TMPO: variants seen among roughly 807,000 people sequenced by gnomAD.
TMPO encodes the protein LEM domain containing 4.
Under a neutral mutation model 45.4 loss-of-function variants are expected in TMPO, and 22 were observed. The observed-to-expected ratio is 0.48, with a 90% CI of 0.35 to 0.69. The LOEUF is 0.69. Among genes scored for constraint, TMPO ranks in the 30% least tolerant of loss-of-function variants. TMPO has a pLI of 0.01. For synonymous variants in TMPO, 241 were observed against 204.1 expected, an observed-to-expected ratio of 1.18 and a Z score of -1.54; for missense variants, 512 against 548.8, an observed-to-expected ratio of 0.93 and a Z score of 0.67.
At chr12:98,545,129 GTT>G (rs79128220) in intron 7 of TMPO, 68 bp downstream of exon 7, 8,929 of 637,594 alleles carry the variant, frequency 0.014, 1 homozygote, top group East Asian at 0.03. Context: ...ATATTTGTTT[GTT>G]TTTTTTTTTT....
intron 1 of TMPO, among the ~76,000 whole-genome samples, chr12:98,517,265 G>T (rs1875928253): frequency 6.6e-6 from 1 of 152,206 alleles, no homozygotes; most frequent in Non-Finnish European, 1.5e-5. Context: ...TCTGATCCTG[G>T]TTAAATCTCA....
chr12:98,527,718 A>C, intron 1 of TMPO, 168 bp from the exon 2 acceptor site: 1 of 681,742 alleles, frequency 1.5e-6, no homozygotes, highest in South Asian at 1.8e-5. Context: ...TTCAACTTAG[A>C]AAGTGTTCTC....
rs999333327 is a variant in TMPO, at chr12:98,548,404, CT to C, written c.*549del. 29 of 154,776 alleles carry C rather than the reference CT, an allele frequency of 1.9e-4. No individual in the cohort carries two copies. Among genetic ancestry groups the C allele is most frequent in the Non-Finnish European group, 1.3e-4 (9 of 69,682 alleles). 9.6% of individuals were successfully genotyped at this position (154,776 alleles called of 1,614,324 possible). On this transcript the variant is annotated 3_prime_UTR_variant, in exon 9 of 9. Coordinates refer to ENST00000556029, the MANE Select transcript of TMPO (RefSeq NM_001032283.3). ...GTACAGCAATAATCTCTTCTGTAACCTTTATTAATAGTAATGTTGTTGTAGC... is the reference window on the plus strand; with the variant it reads ...GTACAGCAATAATCTCTTCTGTAACCTTATTAATAGTAATGTTGTTGTAGC...
chr12:98,534,560 G>T, intron 3 of TMPO: 2 of 1,339,774 alleles, frequency 1.5e-6, no homozygotes, highest in Non-Finnish European at 9.6e-7. Flanking sequence ...ACAATTTAAC[G>T]CTTTCTAGAT....
At position 98,550,246 on chromosome 12, in the gene TMPO, C is replaced by A. The variant is rs1878458613; in HGVS notation, c.*2388C>A. ...TCCTTGATGTAAATGCAAAGCATTT[C>A]TTCCTGATTAAATTGTAGATGTAGA... is the stretch of plus-strand genomic sequence containing the variant. On this transcript the variant is annotated 3_prime_UTR_variant, in exon 9 of 9. Transcript: ENST00000556029. 4 of 152,202 alleles carry A rather than the reference C, an allele frequency of 2.6e-5. No homozygotes were observed. The highest frequency in any genetic ancestry group is 2.6e-4 in the Admixed American group (4 of 15,276). The allele number at this position is 152,202 out of a possible 1,614,324, so 9.4% of individuals were successfully genotyped here. A position where few individuals can be genotyped will look rare whatever the true frequency, so the allele number is the denominator to read the frequency against.
chr12:98,544,156 A>G (rs1878080158), intron 4 of TMPO, 74 bp from the exon 5 acceptor site: 1 of 1,540,406 alleles, frequency 6.5e-7, no homozygotes. Context: ...ATGGCTTCTC[A>G]GTGTGCCAGT....
rs769099945 is a variant in TMPO, at chr12:98,544,985, C to T, written c.914C>T (p.Ala305Val). The T allele has an allele frequency of 8.7e-6, 14 of 1,613,498 alleles. No homozygotes were observed. Among genetic ancestry groups the T allele is most frequent in the East Asian group, 2.2e-5 (1 of 44,844 alleles). Reference sequence around the variant, plus strand: ...AGGGTGACTGGAAATTTCAAGCATGCATCTCCTATTCTGCCAATCACTGAA... The same window carrying T: ...AGGGTGACTGGAAATTTCAAGCATGTATCTCCTATTCTGCCAATCACTGAA... ...VNRVTGNFKH[A>V]SPILPITEFS... The change falls in exon 7 of 9, where the codon GCA (alanine) becomes GTA (valine). Residue 305 changes from alanine to valine, a missense_variant. Coordinates refer to ENST00000556029, the MANE Select transcript of TMPO (RefSeq NM_001032283.3).
chr12:98,547,354 C>T (rs750668129), intron 8 of TMPO, among the ~76,000 whole-genome samples: 3 of 152,116 alleles, frequency 2.0e-5, no homozygotes, highest in African/African-American at 7.2e-5. Flanking sequence ...GGATTGCAGG[C>T]GCGAGCCACC....
At chr12:98,537,636 G>A (rs1381530381) in intron 4 of TMPO, 64 bp downstream of exon 4, 1 of 1,255,672 alleles carries the variant, frequency 8.0e-7, no homozygotes, top group East Asian at 2.5e-5. Flanking sequence ...ACTAATCCAT[G>A]TTTTAGCCTT....
chr12:98,533,644 A>T (rs757395295), intron 3 of TMPO: 7 of 1,614,118 alleles, frequency 4.3e-6, no homozygotes, highest in Non-Finnish European at 5.9e-6. Flanking sequence ...TTTTGCCAAA[A>T]CTGTTGTCTC....
chr12:98,531,857 T>C lies in TMPO; in HGVS notation c.565+19T>C, dbSNP rs749586558. On this transcript the variant is annotated intron_variant, in intron 3 of 8. Transcript: ENST00000556029. ...GAAGAAGGTAAAATTTTAAATGATG[T>C]TAATCAAATGTATGGAATTTTTTCA... 5.0e-6 allele frequency: 8 copies of C among 1,604,678 alleles called. No individual in the cohort carries two copies. The Admixed American group carries it at 1.4e-4, about 27-fold the overall frequency.
Position 98,515,590 on chromosome 12 carries a change from G to A in TMPO, c.-278G>A. ...CGGCGCGCGTTCTTGGGGCGTGGGCGAAGCAGGCTGCTCGCCTCCTGCCTG... is the reference window on the plus strand; with the variant it reads ...CGGCGCGCGTTCTTGGGGCGTGGGCAAAGCAGGCTGCTCGCCTCCTGCCTG... On this transcript the variant is annotated 5_prime_UTR_variant, in exon 1 of 9. Transcript: ENST00000556029. 2.0e-6 allele frequency: 1 copy of A among 508,978 alleles called. No individual in the cohort carries two copies. The highest frequency in any genetic ancestry group is 3.6e-5 in the East Asian group (1 of 28,020). 31.5% of individuals were successfully genotyped at this position (508,978 alleles called of 1,614,324 possible).
rs151318988 is a variant in TMPO, at chr12:98,533,931, T to C, written c.565+2093T>C. The C allele has an allele frequency of 6.2e-7, 1 of 1,614,126 alleles. No individual in the cohort carries two copies. The highest frequency in any genetic ancestry group is 2.2e-5 in the East Asian group (1 of 44,894). On this transcript the variant is annotated intron_variant, in intron 3 of 8. Transcript: ENST00000556029. ...TAGGAGGTATTCAAGCAGCCTCCAC[T>C]GAGTCTTGCAATCAGCAGTTGGACT...
rs578178113 is a variant in TMPO at position 98,540,858 on chromosome 12, C to A, written c.663+3286C>A. Reference sequence around the variant, plus strand: ...CATCGTTTTAGGAGGTATAGAATGTCTTTCTGGCGATGCTAAAATTAGTAA... The same window carrying A: ...CATCGTTTTAGGAGGTATAGAATGTATTTCTGGCGATGCTAAAATTAGTAA... On this transcript the variant is annotated intron_variant, in intron 4 of 8. Transcript: ENST00000556029. Among the ~76,000 whole-genome samples the A allele has an allele frequency of 2.3e-3, 348 of 152,292 alleles. 4 individuals are homozygous for A. The highest frequency in any genetic ancestry group is 8.0e-3 in the African/African-American group (334 of 41,570).
At chr12:98,528,136 C>A in intron 2 of TMPO, 124 bp downstream of exon 2, 1 of 1,092,690 alleles carries the variant, frequency 9.2e-7, no homozygotes, top group Non-Finnish European at 1.4e-6. Context: ...TTGTTATCAG[C>A]AGAACCTGTG....
chr12:98,522,490 T>C (rs1303965730), intron 1 of TMPO, among the ~76,000 whole-genome samples: 2 of 152,214 alleles, frequency 1.3e-5, no homozygotes, highest in Non-Finnish European at 2.9e-5. Flanking sequence ...CTGCCACTTA[T>C]TCATATGACA....
At chr12:98,534,086 G>T in intron 3 of TMPO, 1 of 1,611,982 alleles carries the variant, frequency 6.2e-7, no homozygotes, top group South Asian at 1.1e-5. Context: ...GATCCTAGTC[G>T]TACCCACCAA....
At chr12:98,531,564 C>A in intron 2 of TMPO, 116 bp from the exon 3 acceptor site, 3 of 1,118,460 alleles carry the variant, frequency 2.7e-6, no homozygotes, top group South Asian at 1.4e-5. Context: ...TTTTTAAGAA[C>A]TTGAGTTTAG....
At position 98,527,600 on chromosome 12, in the gene TMPO, A is replaced by T. The variant is rs12311323; in HGVS notation, c.280-286A>T. On this transcript the variant is annotated intron_variant, in intron 1 of 8. Transcript: ENST00000556029. ...GTTTTACTTTTAGTTGCTCTTTTGC[A>T]TTTTTGATGCCATTACTATCTCTTT... 0.019 allele frequency: 5,054 copies of T among 263,406 alleles called. 249 individuals are homozygous for T. Among genetic ancestry groups the T allele is most frequent in the African/African-American group, 0.1 (4,570 of 44,092 alleles). 16.3% of individuals were successfully genotyped at this position (263,406 alleles called of 1,614,324 possible).
Sources: gnomAD v4.1 joint callset for allele counts (sites outside exome capture counted in the v4.1 genomes callset) on GRCh38, gnomAD v4.1.1 for gene constraint, MANE v1.5 for transcripts, NCBI Gene and HGNC (gene_info 2026-07-23, HGNC 2026-07-21) for gene names.